Variants in SPIRE1 observed in about 807,000 individuals in gnomAD.
The protein encoded by SPIRE1 is protein spire homolog 1.
A neutral mutation model predicts 94.1 loss-of-function variants in SPIRE1; 40 were observed. The ratio of observed to expected loss-of-function variants is 0.43; its 90% CI spans 0.33 to 0.55. The LOEUF is 0.55. SPIRE1 is among the 20% of genes least tolerant of loss of function. SPIRE1 has a pLI of 0.06. For synonymous variants in SPIRE1, 376 were observed against 371.7 expected, an observed-to-expected ratio of 1.01 and a Z score of -0.13; for missense variants, 838 against 975.2, an observed-to-expected ratio of 0.86 and a Z score of 1.87.
chr18:12,574,888 C>A (rs1240706769), intron 2 of SPIRE1, among the ~76,000 whole-genome samples: 3 of 152,142 alleles, frequency 2.0e-5, no homozygotes, highest in African/African-American at 7.2e-5. Context: ...AGGAAGGCAT[C>A]GTCATATGTA....
At chr18:12,632,394 C>T (rs1373060162) in intron 2 of SPIRE1, among the ~76,000 whole-genome samples, 1 of 152,136 alleles carries the variant, frequency 6.6e-6, no homozygotes, top group East Asian at 1.9e-4. Context: ...TAACCTAAAA[C>T]GCAACAGAAA....
upstream of SPIRE1, chr18:12,661,380 C>G (rs2038693058): frequency 1.0e-6 from 1 of 983,818 alleles, no homozygotes; most frequent in Non-Finnish European, 1.2e-6. Context: ...TGACTGCTGA[C>G]CACTCAAAGG....
chr18:12,492,394 C>A (rs1053513943), intron 8 of SPIRE1, among the ~76,000 whole-genome samples: 1 of 152,132 alleles, frequency 6.6e-6, no homozygotes, highest in Non-Finnish European at 1.5e-5. Flanking sequence ...TGTTTACAGA[C>A]ATCTTATAAT....
chr18:12,552,572 G>A (rs976646075), intron 2 of SPIRE1, among the ~76,000 whole-genome samples: 7 of 151,670 alleles, frequency 4.6e-5, no homozygotes, highest in African/African-American at 1.2e-4. Context: ...CAGACAGCCC[G>A]GCACCACACC....
At chr18:12,660,845 G>T (rs908261549), upstream of SPIRE1, among the ~76,000 whole-genome samples, 2 of 152,078 alleles carry the variant, frequency 1.3e-5, no homozygotes, top group Non-Finnish European at 2.9e-5. Flanking sequence ...GTTGAGGAAA[G>T]ATGACAAGTA....
intron 2 of SPIRE1, among the ~76,000 whole-genome samples, chr18:12,608,198 CCACCTACTA>C (rs1428455340): frequency 7.3e-5 from 11 of 151,294 alleles, no homozygotes; most frequent in African/African-American, 2.4e-4. Context: ...ATAAATATAT[CCACCTACTA>C]TGTACCCCAA....
intron 2 of SPIRE1, among the ~76,000 whole-genome samples, chr18:12,611,119 G>T (rs979091417): frequency 5.9e-5 from 9 of 152,002 alleles, no homozygotes; most frequent in African/African-American, 2.2e-4. Flanking sequence ...ATATGTTATT[G>T]TTTCCATCAA....
chr18:12,475,735 T>C (rs958574447), intron 10 of SPIRE1, among the ~76,000 whole-genome samples: 101 of 152,238 alleles, frequency 6.6e-4, no homozygotes, highest in African/African-American at 2.2e-3. Flanking sequence ...CTCAACATCT[T>C]TTCCAGTTTC....
At chr18:12,548,084 A>G (rs1434312130) in intron 2 of SPIRE1, among the ~76,000 whole-genome samples, 1 of 152,210 alleles carries the variant, frequency 6.6e-6, no homozygotes, top group Admixed American at 6.5e-5. Flanking sequence ...CCTCCATTTA[A>G]TAAGATTCTG....
chr18:12,609,687 T>C (rs1415992076), intron 2 of SPIRE1, among the ~76,000 whole-genome samples: 2 of 152,142 alleles, frequency 1.3e-5, no homozygotes, highest in African/African-American at 4.8e-5. Context: ...ACCACCCTAT[T>C]TGAGCACCTA....
At chr18:12,535,683 G>A (rs2034819723) in intron 3 of SPIRE1, 82 bp from the exon 4 acceptor site, 2 of 1,347,468 alleles carry the variant, frequency 1.5e-6, no homozygotes, top group Non-Finnish European at 2.1e-6. Context: ...CGAGCAGAGT[G>A]CAGTGGTTCA....
At chr18:12,623,118 T>TCC (rs2037522469) in intron 2 of SPIRE1, among the ~76,000 whole-genome samples, 1 of 151,550 alleles carries the variant, frequency 6.6e-6, no homozygotes, top group Non-Finnish European at 1.5e-5. Context: ...TTTTACATTC[T>TCC]TTTACCCTTC....
At chr18:12,537,602 G>A (rs2034878826) in intron 3 of SPIRE1, among the ~76,000 whole-genome samples, 1 of 152,056 alleles carries the variant, frequency 6.6e-6, no homozygotes, top group Non-Finnish European at 1.5e-5. Context: ...AAATGCATAT[G>A]ACAATCTTAC....
At chr18:12,562,615 A>G (rs965306411) in intron 2 of SPIRE1, among the ~76,000 whole-genome samples, 1 of 151,476 alleles carries the variant, frequency 6.6e-6, no homozygotes, top group African/African-American at 2.4e-5. Context: ...TATTAGGCCC[A>G]GCATGCATTA....
At chr18:12,529,136 G>A (rs1381646759) in intron 4 of SPIRE1, among the ~76,000 whole-genome samples, 1 of 152,202 alleles carries the variant, frequency 6.6e-6, no homozygotes, top group Non-Finnish European at 1.5e-5. Flanking sequence ...TTGGGAGGCC[G>A]AGGCGGGCGG....
At chr18:12,606,276 T>C (rs554051521) in intron 2 of SPIRE1, among the ~76,000 whole-genome samples, 6 of 152,244 alleles carry the variant, frequency 3.9e-5, no homozygotes, top group African/African-American at 9.6e-5. Flanking sequence ...CTTTTGTTTA[T>C]TGACATACAA....
At chr18:12,535,643 T>G (rs375204528) in intron 3 of SPIRE1, 42 bp from the exon 4 acceptor site, 1 of 1,582,456 alleles carries the variant, frequency 6.3e-7, no homozygotes, top group African/African-American at 1.3e-5. Context: ...TGGTTACTAT[T>G]TGGGTTTTTT....
At position 12,472,320 on chromosome 18, in the gene SPIRE1, C is replaced by T. The variant is rs189370545; in HGVS notation, c.1405-7362G>A. On this transcript the variant is annotated intron_variant, in intron 10 of 16. Transcript: ENST00000409402. ...CCCCAGCAACAATGAAAGTCTAACA[C>T]AGGGTTAGCTCAATACAAAACCATT... Among the ~76,000 whole-genome samples the T allele has an allele frequency of 3.2e-3, 480 of 151,140 alleles. 1 individual carries two copies. The highest frequency in any genetic ancestry group is 0.011 in the African/African-American group (449 of 41,188).
intron 6 of SPIRE1, among the ~76,000 whole-genome samples, chr18:12,496,868 C>CA (rs1428722754): frequency 1.3e-5 from 2 of 150,156 alleles, no homozygotes; most frequent in African/African-American, 4.9e-5. Context: ...GACTCCGTCT[C>CA]AAAAAAAAGA....
Sources: gnomAD v4.1 joint callset for allele counts (sites outside exome capture counted in the v4.1 genomes callset) on GRCh38, gnomAD v4.1.1 for gene constraint, MANE v1.5 for transcripts, NCBI Gene and HGNC (gene_info 2026-07-23, HGNC 2026-07-21) for gene names.